HECTD2: variants seen among roughly 807,000 people sequenced by gnomAD.
HECTD2 encodes the protein HECT domain E3 ubiquitin protein ligase 2, also known as probable E3 ubiquitin-protein ligase HECTD2.
In HECTD2, 35 loss-of-function variants were observed where a neutral mutation model predicts 103.2. The ratio of observed to expected loss-of-function variants is 0.34; its 90% CI spans 0.26 to 0.45. HECTD2 has a LOEUF of 0.45. HECTD2 is among the 20% of genes least tolerant of loss of function. The pLI is 1.00. For synonymous variants in HECTD2, 281 were observed against 329.9 expected (o/e 0.85, Z 1.61); for missense variants, 596 against 937.4 (o/e 0.64, Z 4.76).
At chr10:91,482,065 A>C (rs1846107970) in intron 7 of HECTD2, among the ~76,000 whole-genome samples, 1 of 151,796 alleles carries the variant, frequency 6.6e-6, no homozygotes, top group Admixed American at 6.6e-5. Flanking sequence ...ATATGTAGAG[A>C]TAGTAAAAGC....
intron 2 of HECTD2, among the ~76,000 whole-genome samples, chr10:91,449,169 C>T (rs573649730): frequency 6.6e-6 from 1 of 152,118 alleles, no homozygotes; most frequent in East Asian, 1.9e-4. Flanking sequence ...CATCAAAAAG[C>T]TCATCTACCA....
chr10:91,496,592 C>T (rs1404593324), intron 15 of HECTD2, among the ~76,000 whole-genome samples: 1 of 152,080 alleles, frequency 6.6e-6, no homozygotes, highest in Non-Finnish European at 1.5e-5. Context: ...GGCAGTAATT[C>T]GAATCCAGGC....
Position 91,478,244 on chromosome 10 carries a change from G to A in HECTD2, c.644G>A (p.Ser215Asn), listed in dbSNP as rs1375017286. 3 of 1,608,390 alleles carry A rather than the reference G, an allele frequency of 1.9e-6. No individual in the cohort carries two copies. Among genetic ancestry groups the A allele is most frequent in the East Asian group, 2.2e-5 (1 of 44,734 alleles). Residue 215 changes from serine to asparagine, a missense_variant, in exon 6 of 21, where the codon AGC becomes AAC. Ser to Asn is a conservative substitution (Grantham distance 46). Transcript: ENST00000298068. Reference protein sequence around the residue: ...QKTVLKGIINSLLREWKGPRT... With the variant: ...QKTVLKGIINNLLREWKGPRT... ...ACAGTATTAAAGGGAATCATTAACA[G>A]CCTGTTACGAGAATGGAAAGGGTAA...
chr10:91,474,041 C>T (rs1845822825), intron 5 of HECTD2, among the ~76,000 whole-genome samples: 1 of 152,054 alleles, frequency 6.6e-6, no homozygotes, highest in Non-Finnish European at 1.5e-5. Flanking sequence ...AATAACAACA[C>T]ATAAGTAGAG....
At chr10:91,490,657 C>G (rs924414320) in intron 11 of HECTD2, among the ~76,000 whole-genome samples, 1 of 151,388 alleles carries the variant, frequency 6.6e-6, no homozygotes, top group Non-Finnish European at 1.5e-5. Flanking sequence ...TTTGGGAGGC[C>G]GAGGCGGGCG....
At chr10:91,411,458 G>A (rs1002945437) in intron 1 of HECTD2, among the ~76,000 whole-genome samples, 2 of 152,176 alleles carry the variant, frequency 1.3e-5, no homozygotes, top group Admixed American at 6.5e-5. Context: ...TTGTCATGCA[G>A]CTGTGTGTGA....
At chr10:91,446,063 C>A (rs1844601590) in intron 2 of HECTD2, among the ~76,000 whole-genome samples, 1 of 151,998 alleles carries the variant, frequency 6.6e-6, no homozygotes, top group Non-Finnish European at 1.5e-5. Context: ...TCCCTGACAC[C>A]CATGTGTCCT....
intron 20 of HECTD2, among the ~76,000 whole-genome samples, chr10:91,510,117 G>T (rs1847363169): frequency 3.3e-5 from 5 of 152,144 alleles, no homozygotes; most frequent in Admixed American, 3.3e-4. Context: ...AGGACCAGAT[G>T]CCTTCTCCCA....
At chr10:91,456,156 T>A (rs1845080715) in intron 2 of HECTD2, among the ~76,000 whole-genome samples, 2 of 152,192 alleles carry the variant, frequency 1.3e-5, no homozygotes, top group South Asian at 2.1e-4. Flanking sequence ...ATCTATAAAT[T>A]AACTTGGGCA....
chr10:91,492,789 TA>T (rs1328564173), intron 13 of HECTD2, among the ~76,000 whole-genome samples: 1 of 152,108 alleles, frequency 6.6e-6, no homozygotes, highest in African/African-American at 2.4e-5. Context: ...GTCATTGAAA[TA>T]AACATTTGAA....
intron 1 of HECTD2, among the ~76,000 whole-genome samples, chr10:91,419,895 C>G (rs1405863873): frequency 1.3e-5 from 2 of 152,166 alleles, no homozygotes; most frequent in African/African-American, 2.4e-5. Flanking sequence ...GTATACAAAA[C>G]TCAGTAATAG....
At chr10:91,453,746 G>A (rs1359264174) in intron 2 of HECTD2, among the ~76,000 whole-genome samples, 1 of 152,040 alleles carries the variant, frequency 6.6e-6, no homozygotes, top group African/African-American at 2.4e-5. Flanking sequence ...GATATTGTCA[G>A]AGTAAACCAA....
chr10:91,494,995 C>A (rs1589541835), intron 14 of HECTD2, among the ~76,000 whole-genome samples: 1 of 151,944 alleles, frequency 6.6e-6, no homozygotes, highest in African/African-American at 2.4e-5. Context: ...TCTATTTAGT[C>A]ATTACCCAAA....
rs1052198838 is a variant in HECTD2 at position 91,417,510 on chromosome 10, A to G, written c.138+6934A>G. ...AATATTAGGTATACCTCCTAATGCTATCCCTCCCCGCCCCCCCACAACAGG... is the reference window on the plus strand; with the variant it reads ...AATATTAGGTATACCTCCTAATGCTGTCCCTCCCCGCCCCCCCACAACAGG... On this transcript the variant is annotated intron_variant, in intron 1 of 20. Transcript: ENST00000298068. Among the ~76,000 whole-genome samples, 6 of 151,950 alleles carry G rather than the reference A, an allele frequency of 3.9e-5. No homozygotes were observed. In the East Asian group the frequency reaches 5.8e-4, roughly 15 times the overall value.
chr10:91,475,905 A>G (rs966011026), intron 5 of HECTD2, among the ~76,000 whole-genome samples: 3 of 152,170 alleles, frequency 2.0e-5, no homozygotes, highest in Non-Finnish European at 4.4e-5. Context: ...CAACCATCCC[A>G]TGGTGACCCT....
At chr10:91,415,594 A>G (rs1455026769) in intron 1 of HECTD2, among the ~76,000 whole-genome samples, 3 of 152,196 alleles carry the variant, frequency 2.0e-5, no homozygotes, top group Admixed American at 6.5e-5. Context: ...TAAAATGGCT[A>G]GTCAGGGACA....
chr10:91,493,621 T>C (rs1010866200), intron 14 of HECTD2, 113 bp downstream of exon 14: 4 of 563,592 alleles, frequency 7.1e-6, no homozygotes, highest in African/African-American at 4.0e-5. Context: ...TTAAATGTTA[T>C]TGTCAAATGT....
chr10:91,440,338 G>A (rs1431890496), intron 2 of HECTD2, among the ~76,000 whole-genome samples: 1 of 152,188 alleles, frequency 6.6e-6, no homozygotes, highest in Non-Finnish European at 1.5e-5. Context: ...AGAAAATTGT[G>A]TGGTTTTTGT....
intron 1 of HECTD2, among the ~76,000 whole-genome samples, chr10:91,423,302 C>G (rs1843427021): frequency 6.6e-6 from 1 of 151,926 alleles, no homozygotes; most frequent in Non-Finnish European, 1.5e-5. Context: ...ATTCAATTTC[C>G]CCATCTATAA....
Sources: gnomAD v4.1 joint callset for allele counts (sites outside exome capture counted in the v4.1 genomes callset) on GRCh38, gnomAD v4.1.1 for gene constraint, MANE v1.5 for transcripts, NCBI Gene and HGNC (gene_info 2026-07-23, HGNC 2026-07-21) for gene names.